Variants in RAB38 observed in about 807,000 individuals in gnomAD.
RAB38 encodes the protein RAB38, member RAS oncogene family.
In RAB38, 15 loss-of-function variants were observed where a neutral mutation model predicts 18.4. That is an observed-to-expected ratio of 0.82 (90% CI 0.55 to 1.26). RAB38 has a LOEUF of 1.26. Ranked by LOEUF, RAB38 falls within the 50% of genes most tolerant of loss-of-function variation. The pLI is 0.00. For synonymous variants in RAB38, 101 were observed against 104.4 expected (o/e 0.97, Z 0.20); for missense variants, 294 against 267.4 (o/e 1.10, Z -0.69).
chr11:88,152,931 A>T (rs1047881899), intron 1 of RAB38, among the ~76,000 whole-genome samples: 4 of 152,252 alleles, frequency 2.6e-5, no homozygotes, highest in Non-Finnish European at 4.4e-5. Context: ...ACTGCACTGA[A>T]AATAATCCAC....
At chr11:87,908,639 G>T in the RAB38 span, among the ~76,000 whole-genome samples, 1 of 151,898 alleles carries the variant, frequency 6.6e-6, no homozygotes, top group Non-Finnish European at 1.5e-5. Flanking sequence ...ACATCAATTT[G>T]CAGGTTGAGT....
At chr11:87,897,470 T>G in the RAB38 span, among the ~76,000 whole-genome samples, 3,638 of 151,698 alleles carry the variant, frequency 0.024, 142 homozygotes, top group African/African-American at 0.082. Flanking sequence ...CCTAAAGGTC[T>G]TGAAGTTAAT....
At chr11:88,107,644 T>C in the RAB38 span, among the ~76,000 whole-genome samples, 2 of 152,162 alleles carry the variant, frequency 1.3e-5, no homozygotes, top group Admixed American at 1.3e-4. Flanking sequence ...TCTTAGTTAT[T>C]TTTTGTCTTC....
chr11:87,860,455 C>T, the RAB38 span, among the ~76,000 whole-genome samples: 1 of 151,920 alleles, frequency 6.6e-6, no homozygotes, highest in Non-Finnish European at 1.5e-5. Flanking sequence ...CAAACTTCAA[C>T]ACTAATGACT....
At chr11:88,153,231 G>C (rs1052510887) in intron 1 of RAB38, among the ~76,000 whole-genome samples, 1 of 152,204 alleles carries the variant, frequency 6.6e-6, no homozygotes, top group Non-Finnish European at 1.5e-5. Flanking sequence ...TGGTGTGGCT[G>C]ATCTCAAAGG....
intron 1 of RAB38, among the ~76,000 whole-genome samples, chr11:88,174,635 AAAAAAAC>A (rs1427083205): frequency 2.0e-5 from 3 of 149,516 alleles, no homozygotes; most frequent in Non-Finnish European, 4.5e-5. Context: ...AAAAAAAAAA[AAAAAAAC>A]AAAACAAAAA....
the RAB38 span, among the ~76,000 whole-genome samples, chr11:87,938,604 C>T: frequency 1.6e-5 from 2 of 126,288 alleles, no homozygotes; most frequent in African/African-American, 3.1e-5. Context: ...TCTTTCTTCT[C>T]TGTTGCTCTT....
intron 1 of RAB38, chr11:88,173,832 G>A (rs1943342612): frequency 1.0e-6 from 1 of 985,238 alleles, no homozygotes; most frequent in African/African-American, 1.7e-5. Flanking sequence ...CTGTTCATCT[G>A]TTCACATGCT....
intron 2 of RAB38, among the ~76,000 whole-genome samples, chr11:88,135,860 G>C (rs1034495319): frequency 6.6e-6 from 1 of 152,106 alleles, no homozygotes; most frequent in African/African-American, 2.4e-5. Flanking sequence ...CTTTCATTTT[G>C]AGAACCCCAG....
chr11:88,111,828 C>T (rs34460398), downstream of RAB38, among the ~76,000 whole-genome samples: 4,061 of 152,298 alleles, frequency 0.027, 73 homozygotes, highest in South Asian at 0.067. Flanking sequence ...CTTCTAGGCT[C>T]TCCTGGAGAA....
At chr11:88,121,332 T>C (rs1056524368) in intron 2 of RAB38, among the ~76,000 whole-genome samples, 3 of 152,190 alleles carry the variant, frequency 2.0e-5, no homozygotes, top group Non-Finnish European at 1.5e-5. Flanking sequence ...GGATAACTTA[T>C]TGTAAGCCTG....
intron 2 of RAB38, among the ~76,000 whole-genome samples, chr11:88,118,519 G>T (rs1205155674): frequency 6.6e-6 from 1 of 152,190 alleles, no homozygotes; most frequent in African/African-American, 2.4e-5. Flanking sequence ...TGATTGTATA[G>T]AAACAGAGTT....
the RAB38 span, among the ~76,000 whole-genome samples, chr11:87,949,730 T>C: frequency 1.3e-5 from 2 of 152,204 alleles, no homozygotes; most frequent in Non-Finnish European, 2.9e-5. Flanking sequence ...TGAGTTCTAG[T>C]TTGATTGCAC....
chr11:87,977,390 T>A, the RAB38 span, among the ~76,000 whole-genome samples: 4 of 44,886 alleles, frequency 8.9e-5, no homozygotes, highest in East Asian at 1.4e-3. Flanking sequence ...AAAATATAAT[T>A]ATATATATAA....
the RAB38 span, among the ~76,000 whole-genome samples, chr11:87,881,827 A>C: frequency 6.6e-6 from 1 of 151,892 alleles, no homozygotes; most frequent in Non-Finnish European, 1.5e-5. Context: ...AAAGCACAAC[A>C]GAAAAACCTG....
At chr11:88,110,808 C>A, downstream of RAB38, among the ~76,000 whole-genome samples, 1 of 132,844 alleles carries the variant, frequency 7.5e-6, no homozygotes. Context: ...AGTGAGACTC[C>A]ATCTCAAAAA....
chr11:88,134,383 G>A (rs117312852), intron 2 of RAB38, among the ~76,000 whole-genome samples: 6,671 of 151,676 alleles, frequency 0.044, 242 homozygotes, highest in Admixed American at 0.11. Context: ...GGGGACTACC[G>A]GTGTCTGCCA....
At chr11:87,887,823 A>C in the RAB38 span, among the ~76,000 whole-genome samples, 1 of 152,064 alleles carries the variant, frequency 6.6e-6, no homozygotes, top group Non-Finnish European at 1.5e-5. Context: ...AATCTTACAT[A>C]AAAATAAAAT....
the RAB38 span, among the ~76,000 whole-genome samples, chr11:87,911,012 T>C: frequency 1.3e-5 from 2 of 152,036 alleles, no homozygotes; most frequent in Non-Finnish European, 2.9e-5. Context: ...GGATATCTGT[T>C]TCAGTATTGT....
Sources: gnomAD v4.1 joint callset for allele counts (sites outside exome capture counted in the v4.1 genomes callset) on GRCh38, gnomAD v4.1.1 for gene constraint, MANE v1.5 for transcripts, NCBI Gene and HGNC (gene_info 2026-07-23, HGNC 2026-07-21) for gene names.